CINP: variants seen among roughly 807,000 people sequenced by gnomAD.
CINP encodes the protein cyclin-dependent kinase 2-interacting protein.
CINP carries 11 observed loss-of-function variants against 20.5 expected under a neutral mutation model. The ratio of observed to expected loss-of-function variants is 0.54; its 90% CI spans 0.34 to 0.89. The LOEUF is 0.89. CINP is among the 40% of genes least tolerant of loss of function. CINP has a pLI of 0.02. For synonymous variants in CINP, 108 were observed against 102.1 expected (o/e 1.06, Z -0.35); for missense variants, 213 against 251.0 (o/e 0.85, Z 1.02).
At chr14:102,350,827 G>A (rs1171161478) in intron 3 of CINP, among the ~76,000 whole-genome samples, 2 of 34,448 alleles carry the variant, frequency 5.8e-5, no homozygotes, top group Non-Finnish European at 1.3e-4. Flanking sequence ...TTTTTTTTTT[G>A]AGACGGAGTC....
In CINP at chr14:102,352,928, C is replaced by T. The variant is rs139343847; in HGVS notation, c.306+2840G>A. 2.7e-4 allele frequency among the ~76,000 whole-genome samples: 41 copies of T among 151,678 alleles called. 1 individual carries two copies. The East Asian group carries it at 6.3e-3, about 23-fold the overall frequency. Reference sequence around the variant, plus strand: ...CCTCCTAGAGTGCTGGGATTACAGGCATGAGCCACTGCGCCTGGCCAAAAC... The same window carrying T: ...CCTCCTAGAGTGCTGGGATTACAGGTATGAGCCACTGCGCCTGGCCAAAAC... On this transcript the variant is annotated intron_variant, in intron 3 of 4. Transcript: ENST00000216756.
At chr14:102,352,224 G>A (rs1207854429) in intron 3 of CINP, among the ~76,000 whole-genome samples, 2 of 152,156 alleles carry the variant, frequency 1.3e-5, no homozygotes, top group Admixed American at 1.3e-4. Context: ...GCTCTTTCCT[G>A]TGAGTCCTGC....
rs183319851 is a variant in CINP at position 102,355,995 on chromosome 14, C to T, written c.177-98G>A. 157 of 1,260,324 alleles carry T rather than the reference C, an allele frequency of 1.2e-4. No individual in the cohort carries two copies. In the African/African-American group the frequency reaches 2.1e-3, roughly 17 times the overall value. 78.1% of individuals were successfully genotyped at this position (1,260,324 alleles called of 1,614,324 possible). A position where few individuals can be genotyped will look rare whatever the true frequency, so the allele number is the denominator to read the frequency against. On this transcript the variant is annotated intron_variant, in intron 2 of 4. Coordinates refer to ENST00000216756, the MANE Select transcript of CINP (RefSeq NM_032630.3). ...ACAAACCTCTATATCCACATAGTTA[C>T]GTGGGACATTTTGCATAAGCATTGT... is the stretch of plus-strand genomic sequence containing the variant.
intron 1 of CINP, among the ~76,000 whole-genome samples, chr14:102,360,565 G>A (rs1887118363): frequency 6.6e-6 from 1 of 152,174 alleles, no homozygotes; most frequent in Admixed American, 6.5e-5. Context: ...GAGATCTTGG[G>A]CAACTTAATG....
rs879157377 is a variant in CINP, at chr14:102,348,771, G to A, written c.437-12C>T. The A allele has an allele frequency of 9.9e-6, 16 of 1,609,854 alleles. No individual in the cohort carries two copies. Among genetic ancestry groups the A allele is most frequent in the South Asian group, 5.5e-5 (5 of 90,466 alleles). On this transcript the variant is annotated splice_polypyrimidine_tract_variant and intron_variant, in intron 4 of 4. Coordinates refer to ENST00000216756, the MANE Select transcript of CINP (RefSeq NM_032630.3). Reference sequence around the variant, plus strand: ...ATGCGAAACCTCATCTGAAAGAAACGTGAATCTCCCTTAATGGCAGTGATT... The same window carrying A: ...ATGCGAAACCTCATCTGAAAGAAACATGAATCTCCCTTAATGGCAGTGATT...
At position 102,351,601 on chromosome 14, in the gene CINP, T is replaced by C. The variant is rs553792216; in HGVS notation, c.307-1553A>G. Among the ~76,000 whole-genome samples, 9 of 152,172 alleles carry C rather than the reference T, an allele frequency of 5.9e-5. No individual in the cohort carries two copies. Among genetic ancestry groups the C allele is most frequent in the African/African-American group, 1.4e-4 (6 of 41,540 alleles). ...AAAAGGGGAAATAAGAAAAGATATA[T>C]AAATTGTCAAATATCTTAATTCCTT... On this transcript the variant is annotated intron_variant, in intron 3 of 4. Coordinates refer to ENST00000216756, the MANE Select transcript of CINP (RefSeq NM_032630.3). This position sits in a 1 kb window ranked among gnomAD's most constrained non-coding sequence, Gnocchi z 4.2.
intron 1 of CINP, among the ~76,000 whole-genome samples, chr14:102,362,010 G>A (rs1887175703): frequency 6.6e-6 from 1 of 152,166 alleles, no homozygotes; most frequent in Non-Finnish European, 1.5e-5. Flanking sequence ...ATTCGACTAG[G>A]GTAGGAACTA....
rs1379889163 is a variant in CINP at position 102,351,907 on chromosome 14, C to CA, written c.307-1860dup. Among the ~76,000 whole-genome samples, 1 of 152,006 alleles carries CA rather than the reference C, an allele frequency of 6.6e-6. No homozygotes were observed. The highest frequency in any genetic ancestry group is 1.5e-5 in the Non-Finnish European group (1 of 67,990). On this transcript the variant is annotated intron_variant, in intron 3 of 4. Coordinates refer to ENST00000216756, the MANE Select transcript of CINP (RefSeq NM_032630.3). The surrounding 1 kb of genome is among the most constrained non-coding windows in gnomAD (Gnocchi z 4.2). The stretch of plus-strand genomic sequence containing the variant: ...GTTTTTGTTTTTGTTTTTTTTGAGA[C>CA]AGAGTCTCGCTTTGTCACCCAGGCT...
rs181377745 is a variant in CINP, at chr14:102,353,008, G to A, written c.306+2760C>T. On this transcript the variant is annotated intron_variant, in intron 3 of 4. Coordinates refer to ENST00000216756, the MANE Select transcript of CINP (RefSeq NM_032630.3). ...AACAATTAGCTGGGTGTGGTGGCAG[G>A]CACCTGTAATCCCAGCTACTTGGGA... 4.6e-3 allele frequency among the ~76,000 whole-genome samples: 695 copies of A among 151,442 alleles called. 2 individuals carry two copies. The highest frequency in any genetic ancestry group is 0.011 in the Admixed American group (174 of 15,198).
intron 2 of CINP, 34 bp from the exon 3 acceptor site, chr14:102,355,931 T>G (rs1886990464): frequency 1.2e-6 from 2 of 1,608,936 alleles, no homozygotes; most frequent in African/African-American, 1.3e-5. Flanking sequence ...GTACAAAATA[T>G]ACTCTTTAAG....
rs1887207006 is a variant in CINP, at chr14:102,362,873, A to G, written c.-22T>C. The G allele has an allele frequency of 3.7e-6, 6 of 1,613,644 alleles. No individual in the cohort carries two copies. Among genetic ancestry groups the G allele is most frequent in the Non-Finnish European group, 3.4e-6 (4 of 1,179,854 alleles). On this transcript the variant is annotated 5_prime_UTR_variant, in exon 1 of 5. Coordinates refer to ENST00000216756, the MANE Select transcript of CINP (RefSeq NM_032630.3). ...CCATAAGGTCCACAGATATCCGTAG[A>G]AGGAGACGCGAAGCCCCGCCCACCC...
At position 102,359,467 on chromosome 14, in the gene CINP, G is replaced by T; in HGVS notation, c.128C>A (p.Ala43Glu). The T allele has an allele frequency of 6.2e-7, 1 of 1,610,678 alleles. No individual in the cohort carries two copies. The highest frequency in any genetic ancestry group is 8.5e-7 in the Non-Finnish European group (1 of 1,178,206). The part of the protein sequence containing the change: ...LILKWETLND[A>E]GFTTANNIAN... ...AATATTATTTGCAGTGGTAAAACCTGCATCATTGAGGGTTTCCCACTTCAG... is the reference window on the plus strand; with the variant it reads ...AATATTATTTGCAGTGGTAAAACCTTCATCATTGAGGGTTTCCCACTTCAG... Residue 43 changes from alanine to glutamate, a missense_variant, in exon 2 of 5, where the codon GCA becomes GAA. Coordinates refer to ENST00000216756, the MANE Select transcript of CINP (RefSeq NM_032630.3).
In CINP at chr14:102,355,025, T is replaced by A. The variant is rs141145239; in HGVS notation, c.306+743A>T. ...CGGAGTTTGCAGTGAGCCAAGATCATGCTACTGTACTCCACCCTGGGTATC... is the reference window on the plus strand; with the variant it reads ...CGGAGTTTGCAGTGAGCCAAGATCAAGCTACTGTACTCCACCCTGGGTATC... On this transcript the variant is annotated intron_variant, in intron 3 of 4. Transcript: ENST00000216756. 1.6e-3 allele frequency among the ~76,000 whole-genome samples: 231 copies of A among 147,494 alleles called. 1 individual carries two copies. The highest frequency in any genetic ancestry group is 5.3e-3 in the African/African-American group (210 of 39,872).
intron 3 of CINP, chr14:102,352,669 T>C (rs929406739): frequency 1.3e-5 from 5 of 394,782 alleles, no homozygotes; most frequent in African/African-American, 8.5e-5. Flanking sequence ...TCTTTTTTTC[T>C]TTTTTTTGAC....
chr14:102,361,171 T>C (rs1284980370), intron 1 of CINP, among the ~76,000 whole-genome samples: 1 of 152,006 alleles, frequency 6.6e-6, no homozygotes, highest in Non-Finnish European at 1.5e-5. Flanking sequence ...AAGCCAGAAA[T>C]AGGGTAGGTC....
In CINP at chr14:102,354,670, T is replaced by C. The variant is rs372853808; in HGVS notation, c.306+1098A>G. Reference sequence around the variant, plus strand: ...TATGTGGAAGGTTGAGGCACAAGAATTGCTTGAACCCAGGAGGCGGAGGTT... The same window carrying C: ...TATGTGGAAGGTTGAGGCACAAGAACTGCTTGAACCCAGGAGGCGGAGGTT... On this transcript the variant is annotated intron_variant, in intron 3 of 4. Coordinates refer to ENST00000216756, the MANE Select transcript of CINP (RefSeq NM_032630.3). Among the ~76,000 whole-genome samples, 17 of 152,202 alleles carry C rather than the reference T, an allele frequency of 1.1e-4. No individual in the cohort carries two copies. The East Asian group carries it at 3.1e-3, about 28-fold the overall frequency.
intron 2 of CINP, among the ~76,000 whole-genome samples, chr14:102,356,815 C>T (rs1887007998): frequency 6.6e-6 from 1 of 152,122 alleles, no homozygotes; most frequent in African/African-American, 2.4e-5. Context: ...TATATAACGG[C>T]AAGCTTAATG....
chr14:102,348,489 G>A lies in CINP; in HGVS notation c.*68C>T, dbSNP rs1388913588. 1.4e-6 allele frequency: 2 copies of A among 1,422,676 alleles called. No homozygotes were observed. Among genetic ancestry groups the A allele is most frequent in the African/African-American group, 2.8e-5 (2 of 71,274 alleles). 88.1% of individuals were successfully genotyped at this position (1,422,676 alleles called of 1,614,324 possible). On this transcript the variant is annotated 3_prime_UTR_variant, in exon 5 of 5. Transcript: ENST00000216756. ...GGGTCTGATCCAGGCCTGCGGCACT[G>A]GGTCCTAGGCAGACTGTCTGCCTGG...
Position 102,359,561 on chromosome 14 carries a change from T to C in CINP, c.34A>G (p.Arg12Gly), listed in dbSNP as rs1161763598. 1 of 1,611,946 alleles carries C rather than the reference T, an allele frequency of 6.2e-7. No homozygotes were observed. Among genetic ancestry groups the C allele is most frequent in the Non-Finnish European group, 8.5e-7 (1 of 1,178,958 alleles). The stretch of plus-strand genomic sequence containing the variant: ...GCACTGACAGATAAGACAGGTTTTC[T>C]GGGCGTTACAGTTCCAAGAGTCTTT... Reference protein sequence around the residue: ...EAKTLGTVTPRKPVLSVSARK... With the variant: ...EAKTLGTVTPGKPVLSVSARK... Residue 12 changes from arginine to glycine, a missense_variant, in exon 2 of 5, where the codon AGA becomes GGA. Arg to Gly is a moderately radical substitution (Grantham distance 125). Transcript: ENST00000216756.
Sources: gnomAD v4.1 joint callset for allele counts (sites outside exome capture counted in the v4.1 genomes callset) on GRCh38, gnomAD v4.1.1 for gene constraint, Gnocchi (gnomAD v3.1) non-coding constraint, MANE v1.5 for transcripts, NCBI Gene and HGNC (gene_info 2026-07-23, HGNC 2026-07-21) for gene names.